The following EYA4 variants were observed in gnomAD, a reference collection of about 807,000 sequenced individuals.
EYA4 encodes the protein EYA transcriptional coactivator and phosphatase 4.
A neutral mutation model predicts 87.9 loss-of-function variants in EYA4; 31 were observed. The observed-to-expected ratio is 0.35, with a 90% CI of 0.27 to 0.48. The LOEUF is 0.48. Among genes scored for constraint, EYA4 ranks in the 20% least tolerant of loss-of-function variants. The pLI is 0.99. For synonymous variants in EYA4, 263 were observed against 270.6 expected (o/e 0.97, Z 0.28); for missense variants, 678 against 761.4 (o/e 0.89, Z 1.29).
intron 11 of EYA4, among the ~76,000 whole-genome samples, chr6:133,474,952 T>C (rs1795598686): frequency 6.6e-6 from 1 of 152,112 alleles, no homozygotes; most frequent in African/African-American, 2.4e-5. Flanking sequence ...GTTTTTCTGA[T>C]TTAGAGATAA....
chr6:133,297,875 T>C (rs752982216), intron 2 of EYA4, among the ~76,000 whole-genome samples: 11 of 152,240 alleles, frequency 7.2e-5, no homozygotes, highest in Non-Finnish European at 1.3e-4. Flanking sequence ...GTGGGGTGGA[T>C]ATTTTCAGGT....
chr6:133,334,628 A>T (rs922866960), intron 2 of EYA4, among the ~76,000 whole-genome samples: 1 of 152,198 alleles, frequency 6.6e-6, no homozygotes, highest in East Asian at 1.9e-4. Context: ...TAGTTTTCCT[A>T]CATGAGTCTG....
At chr6:133,291,971 T>C (rs188410960) in intron 2 of EYA4, among the ~76,000 whole-genome samples, 70 of 152,320 alleles carry the variant, frequency 4.6e-4, no homozygotes, top group Admixed American at 1.8e-3. Context: ...TTGCTTAATA[T>C]TTTAGATTTT....
At chr6:133,417,999 CAT>C (rs1366456683) in intron 3 of EYA4, among the ~76,000 whole-genome samples, 1 of 152,172 alleles carries the variant, frequency 6.6e-6, no homozygotes, top group Non-Finnish European at 1.5e-5. Flanking sequence ...CCTCAGAAAA[CAT>C]ATATCCCACA....
At chr6:133,260,000 T>G (rs1775665223) in intron 1 of EYA4, among the ~76,000 whole-genome samples, 1 of 152,236 alleles carries the variant, frequency 6.6e-6, no homozygotes, top group Non-Finnish European at 1.5e-5. Context: ...GTTTAGTTTG[T>G]TTCTTGTAAA....
At chr6:133,457,128 G>A (rs1001856824) in intron 6 of EYA4, among the ~76,000 whole-genome samples, 3 of 152,082 alleles carry the variant, frequency 2.0e-5, no homozygotes, top group Non-Finnish European at 4.4e-5. Context: ...AGTATTAAAG[G>A]TTAATGGGCT....
At chr6:133,465,267 T>G (rs77306214) in intron 10 of EYA4, among the ~76,000 whole-genome samples, 9,001 of 152,260 alleles carry the variant, frequency 0.059, 456 homozygotes, top group East Asian at 0.22. Flanking sequence ...CTACAGACTA[T>G]ATAACATTTT....
intron 3 of EYA4, among the ~76,000 whole-genome samples, chr6:133,383,617 A>G (rs1343794288): frequency 6.6e-6 from 1 of 150,890 alleles, no homozygotes; most frequent in Non-Finnish European, 1.5e-5. Context: ...TAGTTTGAGT[A>G]ACTCTTGTTT....
At chr6:133,380,293 A>G (rs965590836) in intron 2 of EYA4, among the ~76,000 whole-genome samples, 2 of 152,190 alleles carry the variant, frequency 1.3e-5, no homozygotes, top group Non-Finnish European at 2.9e-5. Context: ...AGCATTGGTT[A>G]TAAGTGTGGG....
At chr6:133,300,512 G>GTTATTA (rs574500844) in intron 2 of EYA4, among the ~76,000 whole-genome samples, 1 of 151,478 alleles carries the variant, frequency 6.6e-6, no homozygotes, top group African/African-American at 2.4e-5. Context: ...TATTGTTGTT[G>GTTATTA]TTATTATTAT....
chr6:133,531,076 A>G lies in EYA4; in HGVS notation c.*2271A>G. On this transcript the variant is annotated 3_prime_UTR_variant, in exon 20 of 20. Transcript: ENST00000355286. ...TTTGTAAGTCTTTTCATATCAAACAAGCAAGGCTTTTTATGCTGCTAAGTC... is the reference window on the plus strand; with the variant it reads ...TTTGTAAGTCTTTTCATATCAAACAGGCAAGGCTTTTTATGCTGCTAAGTC... 1 of 1,414,836 alleles carries G rather than the reference A, an allele frequency of 7.1e-7. No individual in the cohort carries two copies. Among genetic ancestry groups the G allele is most frequent in the Non-Finnish European group, 9.2e-7 (1 of 1,087,340 alleles). 87.6% of individuals were successfully genotyped at this position (1,414,836 alleles called of 1,614,324 possible). A position where few individuals can be genotyped will look rare whatever the true frequency, so the allele number is the denominator to read the frequency against.
chr6:133,323,929 T>C (rs1781296126), intron 2 of EYA4, among the ~76,000 whole-genome samples: 1 of 152,170 alleles, frequency 6.6e-6, no homozygotes, highest in East Asian at 1.9e-4. Flanking sequence ...TCTGGATATC[T>C]GGGTGGTCAC....
intron 3 of EYA4, among the ~76,000 whole-genome samples, chr6:133,403,844 T>C (rs1199668664): frequency 1.3e-5 from 2 of 152,206 alleles, no homozygotes; most frequent in Admixed American, 6.5e-5. Context: ...GAGTTTCGCC[T>C]TTGTTACCCA....
chr6:133,469,625 C>T (rs1485925151), intron 11 of EYA4, among the ~76,000 whole-genome samples: 1 of 151,614 alleles, frequency 6.6e-6, no homozygotes, highest in African/African-American at 2.4e-5. Flanking sequence ...ACAAATGGTG[C>T]TAGAACAATT....
At chr6:133,499,395 C>T (rs942026832) in intron 13 of EYA4, among the ~76,000 whole-genome samples, 2 of 152,120 alleles carry the variant, frequency 1.3e-5, no homozygotes, top group Admixed American at 1.3e-4. Context: ...ATCCAAGTAC[C>T]ATGTTACACT....
intron 2 of EYA4, among the ~76,000 whole-genome samples, chr6:133,297,647 G>A (rs998740508): frequency 6.6e-5 from 10 of 152,252 alleles, no homozygotes; most frequent in South Asian, 4.2e-4. Flanking sequence ...GAATTTTCAC[G>A]TCTTTTCCTT....
intron 13 of EYA4, 89 bp from the exon 14 acceptor site, chr6:133,506,017 C>T: frequency 2.4e-6 from 2 of 833,992 alleles, no homozygotes; most frequent in South Asian, 1.3e-5. Context: ...TCTTCTCCCT[C>T]TTCCACCACA....
At chr6:133,441,295 G>A (rs939807732) in intron 3 of EYA4, among the ~76,000 whole-genome samples, 6 of 152,024 alleles carry the variant, frequency 3.9e-5, no homozygotes, top group African/African-American at 1.5e-4. Context: ...GTAATATATT[G>A]TTATTTTCAT....
At chr6:133,308,953 A>AT (rs35405911) in intron 2 of EYA4, among the ~76,000 whole-genome samples, 2 of 151,574 alleles carry the variant, frequency 1.3e-5, no homozygotes, top group Non-Finnish European at 2.9e-5. Flanking sequence ...ATTTTTTTGA[A>AT]TTTTTTTTAT....
Sources: gnomAD v4.1 joint callset for allele counts (sites outside exome capture counted in the v4.1 genomes callset) on GRCh38, gnomAD v4.1.1 for gene constraint, MANE v1.5 for transcripts, NCBI Gene and HGNC (gene_info 2026-07-23, HGNC 2026-07-21) for gene names.